Variants in NBPF9 observed in about 807,000 individuals in gnomAD.
NBPF9 encodes the protein NBPF family member NBPF9.
Under a neutral mutation model 97.8 loss-of-function variants are expected in NBPF9, and 91 were observed. The observed-to-expected ratio is 0.93, with a 90% CI of 0.79 to 1.11. NBPF9 has a LOEUF of 1.11. Among genes scored for constraint, NBPF9 ranks in the 50% least tolerant of loss-of-function variants. The pLI is 0.00. For missense variants in NBPF9, 992 were observed against 939.5 expected (o/e 1.06, Z -0.73); for synonymous variants, 334 against 359.5 (o/e 0.93, Z 0.80).
chr1:149,075,795 T>G (rs1269687225), exon 12 of NBPF9: 1 of 1,585,610 alleles, frequency 6.3e-7, no homozygotes, highest in South Asian at 1.1e-5. Context: ...CATCTCTGCC[T>G]TCTCGCTGGA....
Position 149,073,021 on chromosome 1 carries a change from C to G in NBPF9, c.1092-89G>C, listed in dbSNP as rs2079546511. ...CAACAGAGATTTCTGAAACAGTGTC[C>G]TCAAGGAGACCTCGAAGCAGAAGGT... On this transcript the variant is annotated intron_variant, in intron 13 of 29. Transcript: ENST00000584027. 8 of 1,426,526 alleles carry G rather than the reference C, an allele frequency of 5.6e-6. No homozygotes were observed. The Admixed American group carries it at 1.3e-4, about 24-fold the overall frequency. The allele number at this position is 1,426,526 out of a possible 1,614,324, so 88.4% of individuals were successfully genotyped here. A position where few individuals can be genotyped will look rare whatever the true frequency, so the allele number is the denominator to read the frequency against.
chr1:149,057,752 C>CAGAG (rs1250490177), intron 27 of NBPF9, among the ~76,000 whole-genome samples: 17 of 64,306 alleles, frequency 2.6e-4, no homozygotes, highest in African/African-American at 8.7e-4. Context: ...CACACACACA[C>CAGAG]AGAGAGAGAG....
At position 149,074,218 on chromosome 1, in the gene NBPF9, G is replaced by A. The variant is rs1407422721; in HGVS notation, c.989-348C>T. 4.6e-5 allele frequency among the ~76,000 whole-genome samples: 7 copies of A among 151,568 alleles called. 1 individual carries two copies. Among genetic ancestry groups the A allele is most frequent in the African/African-American group, 1.7e-4 (7 of 41,500 alleles). ...CTCTCCTCTAAAACACTGCACTGGGGCATGAAGTAGTGATTTCTTGTACAG... is the reference window on the plus strand; with the variant it reads ...CTCTCCTCTAAAACACTGCACTGGGACATGAAGTAGTGATTTCTTGTACAG... On this transcript the variant is annotated intron_variant, in intron 12 of 29. Transcript: ENST00000584027.
intron 12 of NBPF9, among the ~76,000 whole-genome samples, chr1:149,074,126 G>A (rs2079647531): frequency 6.6e-6 from 1 of 151,342 alleles, no homozygotes; most frequent in Admixed American, 6.6e-5. Context: ...ACAACGAAGT[G>A]GAGTCAGAAT....
chr1:149,096,033 C>G (rs1325487151), intron 4 of NBPF9, among the ~76,000 whole-genome samples: 1 of 151,846 alleles, frequency 6.6e-6, no homozygotes, highest in Non-Finnish European at 1.5e-5. Flanking sequence ...AGTGATTTTA[C>G]AAAACAAGCT....
chr1:149,078,722 C>CTG (rs2080126324), intron 9 of NBPF9, among the ~76,000 whole-genome samples: 2 of 137,470 alleles, frequency 1.5e-5, no homozygotes, highest in Non-Finnish European at 3.2e-5. Context: ...CAACAAGCGC[C>CTG]CTCCCATCAC....
exon 21 of NBPF9, chr1:149,062,875 G>T (rs782579807): frequency 4.3e-5 from 32 of 736,948 alleles, no homozygotes; most frequent in African/African-American, 9.0e-5. Context: ...GGGCATGATG[G>T]GTCTTGGTCT....
chr1:149,075,592 T>A (rs2079791343), intron 12 of NBPF9, 63 bp downstream of exon 12: 4 of 1,448,572 alleles, frequency 2.8e-6, no homozygotes, highest in Non-Finnish European at 3.9e-6. Context: ...GAGCACTTAG[T>A]TCCTCAGAGA....
chr1:149,090,687 C>G (rs1490612832), intron 5 of NBPF9, 66 bp downstream of exon 5: 1 of 549,672 alleles, frequency 1.8e-6, no homozygotes, highest in Admixed American at 3.1e-5. Context: ...AATAAAGGAC[C>G]CATCTCTGCC....
At chr1:149,089,094 TG>T (rs1325015788) in intron 5 of NBPF9, among the ~76,000 whole-genome samples, 1 of 151,986 alleles carries the variant, frequency 6.6e-6, no homozygotes, top group Non-Finnish European at 1.5e-5. Context: ...TCCCACGGCC[TG>T]TCCTCTACTC....
chr1:149,098,500 A>C, exon 4 of NBPF9: 1 of 1,524,742 alleles, frequency 6.6e-7, no homozygotes, highest in Non-Finnish European at 8.8e-7. Flanking sequence ...GGTGCACCGA[A>C]TGGGGAAGTT....
chr1:149,062,524 G>T (rs1553650363), intron 21 of NBPF9, among the ~76,000 whole-genome samples: 1 of 143,984 alleles, frequency 6.9e-6, no homozygotes, highest in East Asian at 2.0e-4. Context: ...CACTGATGAA[G>T]GGGTCAAAGG....
chr1:149,068,509 A>C (rs9442087), intron 17 of NBPF9, among the ~76,000 whole-genome samples: 3 of 150,830 alleles, frequency 2.0e-5, no homozygotes, highest in East Asian at 4.1e-4. Flanking sequence ...TTAAACCAAC[A>C]AAGATCAAAA....
chr1:149,060,441 G>T, intron 24 of NBPF9, 82 bp downstream of exon 24: 2 of 340,530 alleles, frequency 5.9e-6, no homozygotes, highest in Non-Finnish European at 5.4e-6. Flanking sequence ...TCTCAGCTCA[G>T]TAATGGCCAC....
chr1:149,070,276 G>A (rs1360942486), intron 16 of NBPF9, among the ~76,000 whole-genome samples: 3 of 148,754 alleles, frequency 2.0e-5, no homozygotes, highest in Admixed American at 6.8e-5. Flanking sequence ...AGCCAAGATG[G>A]TGCCACTGTA....
exon 20 of NBPF9, chr1:149,063,758 T>A (rs1553650810): frequency 1.6e-6 from 1 of 608,260 alleles, no homozygotes; most frequent in African/African-American, 2.1e-5. Context: ...ATCCAGTGAG[T>A]CCTGCAAGAC....
chr1:149,062,617 T>A (rs1195974659), intron 21 of NBPF9, among the ~76,000 whole-genome samples: 26 of 143,316 alleles, frequency 1.8e-4, no homozygotes, highest in African/African-American at 6.7e-4. Flanking sequence ...ATAAACTTGC[T>A]CAAGATTCCA....
At chr1:149,070,146 C>A (rs587662646) in intron 16 of NBPF9, among the ~76,000 whole-genome samples, 2,335 of 145,220 alleles carry the variant, frequency 0.016, 68 homozygotes, top group African/African-American at 0.058. Flanking sequence ...TATGGGGAAA[C>A]CCTGTCTCTA....
At chr1:149,077,816 A>T (rs2080031050) in intron 10 of NBPF9, 67 bp downstream of exon 10, 2 of 1,590,010 alleles carry the variant, frequency 1.3e-6, no homozygotes, top group Non-Finnish European at 1.7e-6. Context: ...GATGCCAGAG[A>T]GGGTGTGCCT....
Sources: gnomAD v4.1 joint callset for allele counts (sites outside exome capture counted in the v4.1 genomes callset) on GRCh38, gnomAD v4.1.1 for gene constraint, MANE v1.5 for transcripts, NCBI Gene and HGNC (gene_info 2026-07-23, HGNC 2026-07-21) for gene names.